The following ME3 variants were observed in gnomAD, a reference collection of about 807,000 sequenced individuals.
ME3 encodes malic enzyme 3.
Under a neutral mutation model 68.9 loss-of-function variants are expected in ME3, and 48 were observed. The observed-to-expected ratio is 0.70, with a 90% CI of 0.55 to 0.89. The LOEUF (loss-of-function observed/expected upper bound fraction) is 0.89, where lower values mean the gene tolerates loss of function less well. Ranked by LOEUF, ME3 falls within the 40% of genes least tolerant of loss-of-function variation. The pLI is 0.00. For synonymous variants in ME3, 320 were observed against 318.8 expected (o/e 1.00, Z -0.04); for missense variants, 675 against 797.4 (o/e 0.85, Z 1.85).
Position 86,502,195 on chromosome 11 carries a change from A to G in ME3, c.544-4071T>C, listed in dbSNP as rs189334366. ...TCAATTTCTTTATCTCCTTGATACAAATCTTACCACCCTTGCATGTTTCAA... is the reference window on the plus strand; with the variant it reads ...TCAATTTCTTTATCTCCTTGATACAGATCTTACCACCCTTGCATGTTTCAA... On this transcript the variant is annotated intron_variant, in intron 5 of 14. Coordinates refer to ENST00000543262, the Ensembl canonical transcript of ME3. 1.6e-4 allele frequency among the ~76,000 whole-genome samples: 25 copies of G among 152,326 alleles called. 1 individual carries two copies. The East Asian group carries it at 3.1e-3, about 19-fold the overall frequency.
chr11:86,550,998 T>C (rs1956645884), intron 4 of ME3, among the ~76,000 whole-genome samples: 1 of 151,848 alleles, frequency 6.6e-6, no homozygotes, highest in African/African-American at 2.4e-5. Flanking sequence ...ATGTGGGGGT[T>C]GCCGGTGGGC....
intron 5 of ME3, among the ~76,000 whole-genome samples, chr11:86,504,407 T>TTTTTTTTTTA (rs1491166256): frequency 8.0e-6 from 1 of 125,524 alleles, no homozygotes; most frequent in African/African-American, 3.2e-5. Flanking sequence ...TTTTTTTTTT[T>TTTTTTTTTTA]GAGACAGAGT....
At chr11:86,654,189 C>T (rs1353090591) in intron 2 of ME3, among the ~76,000 whole-genome samples, 2 of 152,190 alleles carry the variant, frequency 1.3e-5, no homozygotes, top group East Asian at 3.8e-4. Flanking sequence ...TGGTACCATT[C>T]CTCCTGAAAC....
intron 2 of ME3, among the ~76,000 whole-genome samples, chr11:86,617,670 G>T (rs868358943): frequency 1.3e-5 from 2 of 152,200 alleles, no homozygotes; most frequent in Middle Eastern, 3.4e-3. Flanking sequence ...GTCTGTGCTT[G>T]GCCTCTACCC....
At chr11:86,632,605 C>T (rs1944088377) in intron 2 of ME3, among the ~76,000 whole-genome samples, 1 of 152,206 alleles carries the variant, frequency 6.6e-6, no homozygotes, top group Non-Finnish European at 1.5e-5. Context: ...ACATCATCCT[C>T]AGGCCCCTCC....
intron 5 of ME3, among the ~76,000 whole-genome samples, chr11:86,499,341 T>C (rs1018801150): frequency 1.4e-4 from 22 of 152,242 alleles, no homozygotes; most frequent in African/African-American, 4.6e-4. Flanking sequence ...TGAAGTTGTT[T>C]GTAGGCCACT....
intron 5 of ME3, among the ~76,000 whole-genome samples, chr11:86,503,187 G>A (rs1432807714): frequency 6.6e-6 from 1 of 152,154 alleles, no homozygotes; most frequent in African/African-American, 2.4e-5. Context: ...GATAACAATA[G>A]TCCCTACCTC....
At chr11:86,545,275 C>G (rs577606579) in intron 4 of ME3, among the ~76,000 whole-genome samples, 3 of 152,304 alleles carry the variant, frequency 2.0e-5, no homozygotes, top group African/African-American at 4.8e-5. Context: ...AGGATGCCCT[C>G]TTTCATCACT....
chr11:86,593,473 C>T (rs1959167224), intron 2 of ME3, among the ~76,000 whole-genome samples: 1 of 146,442 alleles, frequency 6.8e-6, no homozygotes, highest in South Asian at 2.2e-4. Flanking sequence ...CATATGAGCC[C>T]CACAAAGGCT....
chr11:86,564,434 G>A (rs570535520), intron 2 of ME3, among the ~76,000 whole-genome samples: 1 of 141,136 alleles, frequency 7.1e-6, no homozygotes, highest in Non-Finnish European at 1.5e-5. Context: ...TTTAAAAAGG[G>A]ACTTTGAAAC....
chr11:86,536,726 G>A (rs1955688639), intron 4 of ME3, among the ~76,000 whole-genome samples: 1 of 149,634 alleles, frequency 6.7e-6, no homozygotes, highest in Non-Finnish European at 1.5e-5. Context: ...AAGTCAGTGT[G>A]GCGATTCCTC....
intron 5 of ME3, among the ~76,000 whole-genome samples, chr11:86,506,714 T>C (rs116775583): frequency 0.012 from 1,827 of 152,312 alleles, 48 homozygotes; most frequent in African/African-American, 0.042. Context: ...TCCAACTCTG[T>C]GTAAGCATCT....
intron 4 of ME3, among the ~76,000 whole-genome samples, chr11:86,534,324 C>T (rs997217206): frequency 1.3e-5 from 2 of 152,006 alleles, no homozygotes; most frequent in African/African-American, 4.8e-5. Flanking sequence ...CTTACTGTGA[C>T]TTTTCTACTT....
At chr11:86,671,735 G>T (rs757658845) in intron 2 of ME3, 27 bp downstream of exon 2, 3 of 1,594,034 alleles carry the variant, frequency 1.9e-6, no homozygotes, top group South Asian at 1.1e-5. Flanking sequence ...ATCGCAACGC[G>T]GGCCGTCCTG....
chr11:86,462,310 A>T (rs973870647), intron 8 of ME3, among the ~76,000 whole-genome samples: 2 of 152,258 alleles, frequency 1.3e-5, no homozygotes, highest in Non-Finnish European at 2.9e-5. Context: ...TAGGTATGTC[A>T]TGCATACATA....
At position 86,595,016 on chromosome 11, in the gene ME3, G is replaced by A. The variant is rs1051676244; in HGVS notation, c.184-35193C>T. Among the ~76,000 whole-genome samples, 14 of 145,164 alleles carry A rather than the reference G, an allele frequency of 9.6e-5. 1 individual carries two copies. The highest frequency in any genetic ancestry group is 1.9e-4 in the Non-Finnish European group (13 of 66,926). ...GGGTGGTAAGGTCAGATTCAAATGA[G>A]GCTCTTTCATGAAAGCTCCTGGTCA... On this transcript the variant is annotated intron_variant, in intron 2 of 14. Transcript: ENST00000543262.
chr11:86,600,393 A>C (rs1243444547), intron 2 of ME3, among the ~76,000 whole-genome samples: 1 of 152,230 alleles, frequency 6.6e-6, no homozygotes, highest in African/African-American at 2.4e-5. Flanking sequence ...ATTCAACAAG[A>C]AGAGCTAAAT....
chr11:86,509,215 T>A (rs750179124), intron 4 of ME3, among the ~76,000 whole-genome samples: 1 of 151,574 alleles, frequency 6.6e-6, no homozygotes, highest in African/African-American at 2.4e-5. Context: ...GGGCCTCTTT[T>A]CCAGGTCCCT....
chr11:86,504,035 G>A (rs1013131996), intron 5 of ME3, among the ~76,000 whole-genome samples: 1 of 152,188 alleles, frequency 6.6e-6, no homozygotes, highest in African/African-American at 2.4e-5. Context: ...ACAAAACTTC[G>A]TGGTCTCCCC....
Sources: allele counts gnomAD v4.1 joint callset (sites outside exome capture counted in the v4.1 genomes callset), GRCh38; gene constraint gnomAD v4.1.1; transcripts MANE v1.5; gene names NCBI Gene and HGNC (gene_info 2026-07-23, HGNC 2026-07-21).